DNAJC1: variants seen among roughly 807,000 people sequenced by gnomAD.
DNAJC1 encodes the protein DnaJ heat shock protein family (Hsp40) member C1.
DNAJC1 carries 58 observed loss-of-function variants against 76.6 expected under a neutral mutation model. That is an observed-to-expected ratio of 0.76 (90% confidence interval 0.61 to 0.94). The LOEUF is 0.94. DNAJC1 is among the 40% of genes least tolerant of loss of function. The pLI is 0.00. For missense variants in DNAJC1, 689 were observed against 677.3 expected, an observed-to-expected ratio of 1.02 and a Z score of -0.19; for synonymous variants, 258 against 267.9, an observed-to-expected ratio of 0.96 and a Z score of 0.36.
At chr10:21,871,327 A>G (rs912255677) in intron 8 of DNAJC1, among the ~76,000 whole-genome samples, 7 of 149,454 alleles carry the variant, frequency 4.7e-5, no homozygotes, top group Non-Finnish European at 8.9e-5. Context: ...CATTAAGGCT[A>G]TGTAGAAGCG....
intron 8 of DNAJC1, among the ~76,000 whole-genome samples, chr10:21,823,738 T>TAA (rs78004342): frequency 1.2e-3 from 161 of 131,478 alleles, no homozygotes; most frequent in African/African-American, 4.0e-3. Context: ...CTGACCAGCT[T>TAA]AAAAAAAAAA....
intron 8 of DNAJC1, among the ~76,000 whole-genome samples, chr10:21,826,908 G>A (rs903837541): frequency 1.3e-5 from 2 of 150,168 alleles, no homozygotes; most frequent in African/African-American, 4.9e-5. Flanking sequence ...TTGTAGCTTT[G>A]TAGTAAGTTG....
chr10:21,778,901 A>G (rs1164278340), intron 9 of DNAJC1, among the ~76,000 whole-genome samples: 1 of 152,188 alleles, frequency 6.6e-6, no homozygotes, highest in East Asian at 1.9e-4. Context: ...CCACCCTAAC[A>G]CTGCGCTTTT....
intron 9 of DNAJC1, among the ~76,000 whole-genome samples, chr10:21,776,921 C>T (rs922304294): frequency 6.6e-6 from 1 of 152,204 alleles, no homozygotes; most frequent in Non-Finnish European, 1.5e-5. Flanking sequence ...CCATATTATT[C>T]TCTTTTTAAT....
chr10:21,931,329 T>C (rs907415888), intron 1 of DNAJC1, among the ~76,000 whole-genome samples: 5 of 152,334 alleles, frequency 3.3e-5, no homozygotes, highest in Admixed American at 2.0e-4. Flanking sequence ...TACACAAATA[T>C]TGCCTGACTA....
At chr10:21,868,261 C>CTTA (rs1454836191) in intron 8 of DNAJC1, among the ~76,000 whole-genome samples, 3 of 150,810 alleles carry the variant, frequency 2.0e-5, no homozygotes, top group Non-Finnish European at 4.4e-5. Flanking sequence ...AGTAGCTGGG[C>CTTA]TTACAGACAT....
chr10:21,831,789 C>A (rs75731180), intron 8 of DNAJC1, among the ~76,000 whole-genome samples: 407 of 111,168 alleles, frequency 3.7e-3, no homozygotes, highest in Middle Eastern at 5.0e-3. Flanking sequence ...GACTCCATCT[C>A]AAAAAAAAAA....
At chr10:21,991,504 G>A (rs1838326454) in intron 1 of DNAJC1, among the ~76,000 whole-genome samples, 1 of 152,072 alleles carries the variant, frequency 6.6e-6, no homozygotes, top group South Asian at 2.1e-4. Flanking sequence ...CTAGGAATAT[G>A]ATAGCTAGCA....
intron 7 of DNAJC1, among the ~76,000 whole-genome samples, chr10:21,890,024 A>G (rs1347566384): frequency 6.6e-6 from 1 of 152,212 alleles, no homozygotes; most frequent in Non-Finnish European, 1.5e-5. Context: ...TCTCCTGCTA[A>G]TAAAGTCAGT....
intron 3 of DNAJC1, among the ~76,000 whole-genome samples, chr10:21,928,167 T>G (rs1837159806): frequency 6.6e-6 from 1 of 152,144 alleles, no homozygotes; most frequent in Non-Finnish European, 1.5e-5. Context: ...TAGGAGCTAT[T>G]ACTGACATAT....
intron 1 of DNAJC1, among the ~76,000 whole-genome samples, chr10:21,945,800 A>C (rs1837494500): frequency 6.6e-6 from 1 of 152,178 alleles, no homozygotes; most frequent in African/African-American, 2.4e-5. Context: ...AGAAAAATGG[A>C]CATGTACATG....
chr10:21,799,024 A>T (rs149619713), intron 9 of DNAJC1, among the ~76,000 whole-genome samples: 54 of 152,350 alleles, frequency 3.5e-4, no homozygotes, highest in African/African-American at 1.2e-3. Flanking sequence ...GAAGGAGAGA[A>T]CTTACTTTGG....
intron 7 of DNAJC1, among the ~76,000 whole-genome samples, chr10:21,884,602 T>C (rs1836337731): frequency 1.3e-5 from 2 of 152,300 alleles, no homozygotes; most frequent in South Asian, 4.1e-4. Flanking sequence ...TATTTGTGTG[T>C]GTATGACTAT....
intron 8 of DNAJC1, among the ~76,000 whole-genome samples, chr10:21,845,239 TAG>T (rs1347666831): frequency 6.6e-6 from 1 of 152,160 alleles, no homozygotes; most frequent in East Asian, 1.9e-4. Context: ...TGCCATTGCA[TAG>T]ATTCTGATCT....
At chr10:21,842,001 A>G (rs562454259) in intron 8 of DNAJC1, among the ~76,000 whole-genome samples, 2 of 151,148 alleles carry the variant, frequency 1.3e-5, no homozygotes, top group East Asian at 3.9e-4. Context: ...GCAAGGACAA[A>G]AAACCAAACA....
At chr10:21,843,561 T>A (rs1366506936) in intron 8 of DNAJC1, among the ~76,000 whole-genome samples, 2 of 151,548 alleles carry the variant, frequency 1.3e-5, no homozygotes, top group African/African-American at 4.9e-5. Flanking sequence ...GCCCAGCTAA[T>A]TTTTTGTATT....
intron 6 of DNAJC1, among the ~76,000 whole-genome samples, chr10:21,905,140 C>T (rs1836721478): frequency 6.6e-6 from 1 of 151,660 alleles, no homozygotes; most frequent in Non-Finnish European, 1.5e-5. Flanking sequence ...AAACCATTAC[C>T]ATGAAGTCTT....
chr10:21,964,452 T>C (rs1393733824), intron 1 of DNAJC1, among the ~76,000 whole-genome samples: 1 of 152,202 alleles, frequency 6.6e-6, no homozygotes, highest in African/African-American at 2.4e-5. Flanking sequence ...GTACAAGCCA[T>C]CTGCCAGCCT....
chr10:21,777,601 T>G (rs937293711), intron 9 of DNAJC1, among the ~76,000 whole-genome samples: 1 of 152,208 alleles, frequency 6.6e-6, no homozygotes, highest in Non-Finnish European at 1.5e-5. Flanking sequence ...GATTTCACTT[T>G]GAAGATATTA....
Sources: allele counts gnomAD v4.1 joint callset (sites outside exome capture counted in the v4.1 genomes callset), GRCh38; gene constraint gnomAD v4.1.1; transcripts MANE v1.5; gene names NCBI Gene and HGNC (gene_info 2026-07-23, HGNC 2026-07-21).